The following NPDC1 variants were observed in gnomAD, a reference collection of about 807,000 sequenced individuals.
NPDC1 encodes neural proliferation differentiation and control protein 1.
Under a neutral mutation model 32.5 loss-of-function variants are expected in NPDC1, and 18 were observed. The observed-to-expected ratio is 0.55, with a 90% CI of 0.38 to 0.82. NPDC1 has a LOEUF of 0.82. Among genes scored for constraint, NPDC1 ranks in the 40% least tolerant of loss-of-function variants. The pLI, the probability that NPDC1 is intolerant of heterozygous loss-of-function variation, is 0.00. For missense variants in NPDC1, 468 were observed against 406.6 expected, an observed-to-expected ratio of 1.15 and a Z score of -1.30; for synonymous variants, 210 against 184.7, an observed-to-expected ratio of 1.14 and a Z score of -1.11.
chr9:137,041,091 G>C lies in NPDC1; in HGVS notation c.356C>G (p.Pro119Arg). The change falls in exon 3 of 9, where the codon CCC becomes CGC. Residue 119 changes from proline to arginine, a missense_variant. Transcript: ENST00000371601. ...CTCCGGGAGCCGCTGTCGGTCCTTG[G>C]GTAGGGGCGGAGTTGAGTGTCCAGA... ...KESGHSTPPL[P>R]KDRQRLPEPA... 3.3e-6 allele frequency: 5 copies of C among 1,529,738 alleles called. No individual in the cohort carries two copies. The South Asian group carries it at 3.9e-5, about 12-fold the overall frequency. The allele number at this position is 1,529,738 out of a possible 1,614,324, so 94.8% of individuals were successfully genotyped here.
intron 2 of NPDC1, 29 bp from the exon 3 acceptor site, chr9:137,041,216 A>T (rs1564246594): frequency 1.4e-6 from 2 of 1,416,844 alleles, no homozygotes; most frequent in East Asian, 5.4e-5. Context: ...CATCAGGTGG[A>T]GGGGTCCGTC....
rs1832076229 is a variant in NPDC1 at position 137,042,744 on chromosome 9, G to A, written c.259+183C>T. 9.3e-6 allele frequency: 6 copies of A among 644,138 alleles called. No individual in the cohort carries two copies. The Admixed American group carries it at 1.2e-4, about 13-fold the overall frequency. 39.9% of individuals were successfully genotyped at this position (644,138 alleles called of 1,614,324 possible). The stretch of plus-strand genomic sequence containing the variant: ...CCGGCTACTTTGTATTTTTAGTAGA[G>A]ACGGGGTTTCACCATGTTGGCCAGG... On this transcript the variant is annotated intron_variant, in intron 2 of 8. Coordinates refer to ENST00000371601, the MANE Select transcript of NPDC1 (RefSeq NM_015392.4).
intron 1 of NPDC1, among the ~76,000 whole-genome samples, chr9:137,045,332 C>T (rs1392983709): frequency 1.3e-5 from 2 of 152,262 alleles, no homozygotes; most frequent in African/African-American, 2.4e-5. Flanking sequence ...AACAGCACCC[C>T]GAGCCTGCGC....
chr9:137,043,471 G>A, intron 1 of NPDC1: 1 of 624,608 alleles, frequency 1.6e-6, no homozygotes, highest in East Asian at 2.8e-5. Context: ...CAGAGGGAAG[G>A]GCCCAGGTCT....
chr9:137,046,081 G>A lies in NPDC1; in HGVS notation c.-92C>T. On this transcript the variant is annotated 5_prime_UTR_variant, in exon 1 of 9. Coordinates refer to ENST00000371601, the MANE Select transcript of NPDC1 (RefSeq NM_015392.4). Reference sequence around the variant, plus strand: ...CCGCGTCGGGAGCAGCGGAGGCAGCGGGGGAGGACGCAGGAGGAAGAAGAG... The same window carrying A: ...CCGCGTCGGGAGCAGCGGAGGCAGCAGGGGAGGACGCAGGAGGAAGAAGAG... 2.7e-6 allele frequency: 3 copies of A among 1,100,144 alleles called. No homozygotes were observed. The highest frequency in any genetic ancestry group is 1.1e-6 in the Non-Finnish European group (1 of 902,568). 68.1% of individuals were successfully genotyped at this position (1,100,144 alleles called of 1,614,324 possible). A position where few individuals can be genotyped will look rare whatever the true frequency, so the allele number is the denominator to read the frequency against.
At position 137,040,676 on chromosome 9, in the gene NPDC1, C is replaced by T; in HGVS notation, c.618G>A (p.Trp206Ter). ...GCCCGCGGCCACTGGCTCACCTGCACCAGCAGAGGGAGGCTACGGAGAGGG... is the reference window on the plus strand; with the variant it reads ...GCCCGCGGCCACTGGCTCACCTGCATCAGCAGAGGGAGGCTACGGAGAGGG... ...AAALSVASLC[W>*]CRLQREIRLT... Residue 206 changes from tryptophan to a stop codon, truncating the protein, a stop_gained, in exon 5 of 9, where the codon TGG becomes TGA. Coordinates refer to ENST00000371601, the MANE Select transcript of NPDC1 (RefSeq NM_015392.4). LOFTEE classifies it high-confidence loss of function. 6.3e-7 allele frequency: 1 copy of T among 1,579,900 alleles called. No individual in the cohort carries two copies. The highest frequency in any genetic ancestry group is 8.6e-7 in the Non-Finnish European group (1 of 1,168,222).
chr9:137,040,501 G>A lies in NPDC1; in HGVS notation c.708+13C>T. On this transcript the variant is annotated intron_variant, in intron 6 of 8. Transcript: ENST00000371601. ...GTTGGGCGGGAGCCTCAGGGCTGAA[G>A]GGGGCCACACACCGAGATCCGGGGA... 6.3e-7 allele frequency: 1 copy of A among 1,587,662 alleles called. No individual in the cohort carries two copies. The highest frequency in any genetic ancestry group is 2.3e-5 in the East Asian group (1 of 43,590).
chr9:137,040,967 C>T lies in NPDC1; in HGVS notation c.403G>A (p.Ala135Thr). 14 of 1,543,234 alleles carry T rather than the reference C, an allele frequency of 9.1e-6. No individual in the cohort carries two copies. Among genetic ancestry groups the T allele is most frequent in the Non-Finnish European group, 1.1e-5 (13 of 1,147,760 alleles). ...CCCAGCTCCAGCCCCTGCCCCCGTG[C>T]CGAGAAGCCCAGGGTGGCTGCGAGA... is the stretch of plus-strand genomic sequence containing the variant. ...LPEPATLGFSARGQGLELGLP... is the reference protein window; with the variant it reads ...LPEPATLGFSTRGQGLELGLP... Residue 135 changes from alanine (A) to threonine (T), a missense_variant, in exon 4 of 9, where the codon GCA becomes ACA. By Grantham distance (58) the Ala-to-Thr change is moderately conservative. Transcript: ENST00000371601.
chr9:137,042,466 C>T (rs1158842759), intron 2 of NPDC1, among the ~76,000 whole-genome samples: 1 of 151,778 alleles, frequency 6.6e-6, no homozygotes, highest in Non-Finnish European at 1.5e-5. Flanking sequence ...ACCGTGTTAG[C>T]CAGGATGGTC....
Position 137,040,665 on chromosome 9 carries a change from G to A in NPDC1, c.623+6C>T, listed in dbSNP as rs1271859865. The A allele has an allele frequency of 6.3e-7, 1 of 1,575,122 alleles. No individual in the cohort carries two copies. Among genetic ancestry groups the A allele is most frequent in the East Asian group, 2.3e-5 (1 of 43,752 alleles). On this transcript the variant is annotated splice_donor_region_variant and intron_variant, in intron 5 of 8. Coordinates refer to ENST00000371601, the MANE Select transcript of NPDC1 (RefSeq NM_015392.4). ...CTCCCTGCCCTGCCCGCGGCCACTG[G>A]CTCACCTGCACCAGCAGAGGGAGGC... is the stretch of plus-strand genomic sequence containing the variant.
rs547143725 is a variant in NPDC1 at position 137,040,410 on chromosome 9, G to A, written c.735C>T (p.Ser245=). The A allele has an allele frequency of 6.2e-5, 96 of 1,549,752 alleles. No homozygotes were observed. The highest frequency in any genetic ancestry group is 2.2e-4 in the Admixed American group (11 of 51,072). Residue 245 remains serine, a synonymous_variant, in exon 7 of 9, where the codon AGC becomes AGT. Transcript: ENST00000371601. The stretch of plus-strand genomic sequence containing the variant: ...GGTGCTGGTAGTGGTACATCTCCGC[G>A]CTCTGTGCCAGCCGCTGGTCCCCAG... ...ISPGDQRLAQ[S]AEMYHYQHQR... is the part of the protein sequence containing the mutation.
rs772957023 is a variant in NPDC1 at position 137,041,201 on chromosome 9, G to A, written c.260-14C>T. 4 of 1,425,094 alleles carry A rather than the reference G, an allele frequency of 2.8e-6. No individual in the cohort carries two copies. The highest frequency in any genetic ancestry group is 2.6e-5 in the East Asian group (1 of 37,742). The allele number at this position is 1,425,094 out of a possible 1,614,324, so 88.3% of individuals were successfully genotyped here. Reference sequence around the variant, plus strand: ...GCCGGCCCCCGCCTGGGGAGGGTGAGGGGCCATCAGGTGGAGGGGTCCGTC... The same window carrying A: ...GCCGGCCCCCGCCTGGGGAGGGTGAAGGGCCATCAGGTGGAGGGGTCCGTC... On this transcript the variant is annotated splice_polypyrimidine_tract_variant and intron_variant, in intron 2 of 8. Transcript: ENST00000371601.
Position 137,039,957 on chromosome 9 carries a change from C to G in NPDC1, c.885+14G>C. ...GGAGATGGTTCGCCCCTCCCTGCAC[C>G]CTGAGGCACTCACCGGGGCCAGGCC... is the stretch of plus-strand genomic sequence containing the variant. On this transcript the variant is annotated intron_variant, in intron 8 of 8. Coordinates refer to ENST00000371601, the MANE Select transcript of NPDC1 (RefSeq NM_015392.4). 1 of 779,016 alleles carries G rather than the reference C, an allele frequency of 1.3e-6. No homozygotes were observed. Among genetic ancestry groups the G allele is most frequent in the Non-Finnish European group, 2.4e-6 (1 of 417,970 alleles). 48.3% of individuals were successfully genotyped at this position (779,016 alleles called of 1,614,324 possible). A position where few individuals can be genotyped will look rare whatever the true frequency, so the allele number is the denominator to read the frequency against.
At chr9:137,044,864 C>T (rs1186743113) in intron 1 of NPDC1, among the ~76,000 whole-genome samples, 2 of 152,240 alleles carry the variant, frequency 1.3e-5, no homozygotes, top group Non-Finnish European at 2.9e-5. Context: ...TGCCCACCTC[C>T]CATCCAGGGG....
At position 137,040,437 on chromosome 9, in the gene NPDC1, C is replaced by T; in HGVS notation, c.709-1G>A. ...TCTGTGCCAGCCGCTGGTCCCCAGG[C>T]TGTGGGAAGGAGGAGGCGAGGGTCA... On this transcript the variant is annotated splice_acceptor_variant, in intron 6 of 8. Transcript: ENST00000371601. LOFTEE classifies it high-confidence loss of function. The T allele has an allele frequency of 6.4e-7, 1 of 1,555,246 alleles. No homozygotes were observed.
rs1176895669 is a variant in NPDC1, at chr9:137,043,004, T to C, written c.182A>G (p.His61Arg). Residue 61 changes from histidine to arginine, a missense_variant, in exon 2 of 9, where the codon CAT becomes CGT. Transcript: ENST00000371601. ...KRRARCPPGA[H>R]ACGPCLQPFQ... is the part of the protein sequence containing the mutation. The stretch of plus-strand genomic sequence containing the variant: ...GGGCTGAAGGCAGGGCCCACAGGCA[T>C]GTGCACCAGGAGGACACCTTGCCCG... 1 of 1,612,774 alleles carries C rather than the reference T, an allele frequency of 6.2e-7. No individual in the cohort carries two copies. The highest frequency in any genetic ancestry group is 8.5e-7 in the Non-Finnish European group (1 of 1,179,924).
chr9:137,042,442 A>G (rs2131502589), intron 2 of NPDC1, among the ~76,000 whole-genome samples: 1 of 150,914 alleles, frequency 6.6e-6, no homozygotes, highest in African/African-American at 2.4e-5. Context: ...TATTTTTAGT[A>G]CAGATGGGGT....
At chr9:137,045,171 G>A (rs1434950560) in intron 1 of NPDC1, among the ~76,000 whole-genome samples, 2 of 152,254 alleles carry the variant, frequency 1.3e-5, no homozygotes, top group Non-Finnish European at 2.9e-5. Flanking sequence ...CTGTGCAGGT[G>A]AGAGGGTGTC....
chr9:137,046,113 G>T lies in NPDC1; in HGVS notation c.-124C>A. 4.6e-6 allele frequency: 5 copies of T among 1,091,632 alleles called. No individual in the cohort carries two copies. The highest frequency in any genetic ancestry group is 5.6e-6 in the Non-Finnish European group (5 of 897,406). The allele number at this position is 1,091,632 out of a possible 1,614,324, so 67.6% of individuals were successfully genotyped here. ...GACGCAGGAGGAAGAAGAGGCGGAT[G>T]CCAAGGAGGAGGAGGAGGAAGAGGA... is the stretch of plus-strand genomic sequence containing the variant. On this transcript the variant is annotated 5_prime_UTR_variant, in exon 1 of 9. Transcript: ENST00000371601.
Sources: gnomAD v4.1 joint callset for allele counts (sites outside exome capture counted in the v4.1 genomes callset) on GRCh38, gnomAD v4.1.1 for gene constraint, MANE v1.5 for transcripts, NCBI Gene and HGNC (gene_info 2026-07-23, HGNC 2026-07-21) for gene names.